Variants in FREM1 observed in about 807,000 individuals in gnomAD.
FREM1 encodes FRAS1-related extracellular matrix protein 1.
Under a neutral mutation model 210.1 loss-of-function variants are expected in FREM1, and 220 were observed. The observed-to-expected ratio is 1.05, with a 90% CI of 0.94 to 1.17. The LOEUF is 1.17. FREM1 is among the 50% of genes most tolerant of loss of function. FREM1 has a pLI of 0.00. For synonymous variants in FREM1, 1,189 were observed against 980.2 expected, an observed-to-expected ratio of 1.21 and a Z score of -3.98; for missense variants, 3,454 against 2,675.5, an observed-to-expected ratio of 1.29 and a Z score of -6.42.
At chr9:14,859,920 T>A (rs76774734) in intron 3 of FREM1, among the ~76,000 whole-genome samples, 2,547 of 152,250 alleles carry the variant, frequency 0.017, 63 homozygotes, top group African/African-American at 0.056. Flanking sequence ...AGGTGGTCAT[T>A]TGCAGCCTAG....
At position 14,807,998 on chromosome 9, in the gene FREM1, C is replaced by A; in HGVS notation, c.3030G>T (p.Val1010=). Residue 1010 remains valine, a synonymous_variant, in exon 17 of 37, where the codon GTG becomes GTT. Coordinates refer to ENST00000380880, the MANE Select transcript of FREM1 (RefSeq NM_001379081.2). ...GGTATACCGTGATGTTGAGATCATA[C>A]ACTGGAAAGGACGCATGAAGTGGAA... is the stretch of plus-strand genomic sequence containing the variant. The part of the protein sequence containing the change: ...PSVPLHASFP[V]YDLNITVYPV... The A allele has an allele frequency of 6.2e-7, 1 of 1,613,850 alleles. No individual in the cohort carries two copies. Among genetic ancestry groups the A allele is most frequent in the Middle Eastern group, 1.7e-4 (1 of 6,058 alleles).
intron 3 of FREM1, among the ~76,000 whole-genome samples, chr9:14,861,323 A>G (rs1588445919): frequency 9.9e-6 from 1 of 101,340 alleles, no homozygotes; most frequent in Non-Finnish European, 1.6e-5. Context: ...ATATATACAC[A>G]TATATACATA....
chr9:14,887,569 T>C (rs1480653862), intron 1 of FREM1, among the ~76,000 whole-genome samples: 1 of 152,222 alleles, frequency 6.6e-6, no homozygotes, highest in Non-Finnish European at 1.5e-5. Context: ...ACACAAGATT[T>C]TCAGAGTGAA....
chr9:14,789,717 GT>G (rs1202591099), intron 22 of FREM1, among the ~76,000 whole-genome samples: 2 of 152,076 alleles, frequency 1.3e-5, no homozygotes, highest in African/African-American at 4.8e-5. Context: ...ATCGTATATT[GT>G]TTTTATCAGA....
Position 14,808,129 on chromosome 9 carries a change from C to T in FREM1, c.2899G>A (p.Glu967Lys), listed in dbSNP as rs764638294. The T allele has an allele frequency of 1.9e-5, 30 of 1,588,220 alleles. No homozygotes were observed. Among genetic ancestry groups the T allele is most frequent in the Middle Eastern group, 1.7e-4 (1 of 5,990 alleles). Residue 967 changes from glutamate to lysine, a missense_variant, in exon 17 of 37, where the codon GAG (glutamate) becomes AAG (lysine). By Grantham distance (56) the Glu-to-Lys change is moderately conservative. Transcript: ENST00000380880. ...TCAAAACAAGGCATCAGGCCAATCT[C>T]GCCACCTGGAAGACACAACTATAGC... is the stretch of plus-strand genomic sequence containing the variant. ...EAVTYKHTGG[E>K]IGLMPCFDTI...
rs774361498 is a variant in FREM1, at chr9:14,806,724, C to T, written c.3211G>A (p.Gly1071Ser). The change falls in exon 18 of 37, where the codon GGC becomes AGC. Residue 1071 changes from glycine (G) to serine (S), a missense_variant. By Grantham distance (56) the Gly-to-Ser change is moderately conservative. Coordinates refer to ENST00000380880, the MANE Select transcript of FREM1 (RefSeq NM_001379081.2). Reference sequence around the variant, plus strand: ...GAAGGGAGTATATTTTCGAGGTAGCCAAACTGAGGAGGAGAAACCAAAACA... The same window carrying T: ...GAAGGGAGTATATTTTCGAGGTAGCTAAACTGAGGAGGAGAAACCAAAACA... ...EFVLVSPPQF[G>S]YLENILPSVG... The T allele has an allele frequency of 1.2e-6, 2 of 1,604,376 alleles. No individual in the cohort carries two copies. Among genetic ancestry groups the T allele is most frequent in the South Asian group, 2.3e-5 (2 of 88,608 alleles).
intron 27 of FREM1, among the ~76,000 whole-genome samples, chr9:14,763,275 G>C (rs2382499): frequency 0.26 from 39,118 of 152,026 alleles, 5,225 homozygotes; most frequent in Admixed American, 0.3. Context: ...TTAGATGTAG[G>C]AGCACCACTT....
chr9:14,863,274 G>A (rs552203977), intron 3 of FREM1, among the ~76,000 whole-genome samples: 1 of 149,920 alleles, frequency 6.7e-6, no homozygotes, highest in South Asian at 2.1e-4. Context: ...CTGGGAGACA[G>A]AGGTTGCAGT....
At chr9:14,741,027 G>A (rs921535540) in intron 35 of FREM1, among the ~76,000 whole-genome samples, 5 of 151,758 alleles carry the variant, frequency 3.3e-5, no homozygotes, top group African/African-American at 1.2e-4. Flanking sequence ...AATATATCAT[G>A]TATACATGTA....
intron 16 of FREM1, among the ~76,000 whole-genome samples, chr9:14,810,378 G>A (rs1387686479): frequency 6.6e-6 from 1 of 152,176 alleles, no homozygotes; most frequent in Non-Finnish European, 1.5e-5. Context: ...CATAGGTAGT[G>A]AAATTCTTTA....
rs377011197 is a variant in FREM1, at chr9:14,792,769, G to A, written c.3955C>T (p.Pro1319Ser). 314 of 1,599,822 alleles carry A rather than the reference G, an allele frequency of 2.0e-4. 1 individual carries two copies. Among genetic ancestry groups the A allele is most frequent in the Non-Finnish European group, 2.5e-4 (289 of 1,175,158 alleles). The change falls in exon 22 of 37, where the codon CCC becomes TCC. Residue 1319 changes from proline to serine, a missense_variant. Coordinates refer to ENST00000380880, the MANE Select transcript of FREM1 (RefSeq NM_001379081.2). ...EKIYYVFERL[P>S]QNGQLQLKIG... is the part of the protein sequence containing the mutation. Reference sequence around the variant, plus strand: ...TTAAGCTGAAGTTGCCCATTTTGGGGAAGCCTTTCAAATACATAGTAAATC... The same window carrying A: ...TTAAGCTGAAGTTGCCCATTTTGGGAAAGCCTTTCAAATACATAGTAAATC...
Position 14,863,910 on chromosome 9 carries a change from C to T in FREM1, c.235-7G>A, listed in dbSNP as rs1442422772. ...GGAAATGGCAGTCAAAGACCTAGTT[C>T]ACATGAAGAATTGGATAAATATCTA... On this transcript the variant is annotated splice_region_variant and splice_polypyrimidine_tract_variant and intron_variant, in intron 2 of 36. Transcript: ENST00000380880. 1.9e-6 allele frequency: 3 copies of T among 1,557,188 alleles called. No homozygotes were observed. The South Asian group carries it at 3.3e-5, about 17-fold the overall frequency.
At chr9:14,807,872 A>AT in intron 17 of FREM1, 68 bp downstream of exon 17, 1 of 1,042,034 alleles carries the variant, frequency 9.6e-7, no homozygotes, top group Non-Finnish European at 1.4e-6. Context: ...GAAATGTATT[A>AT]TTTCACTGAA....
Position 14,816,818 on chromosome 9 carries a change from G to A in FREM1, c.2600C>T (p.Thr867Ile), listed in dbSNP as rs1265814496. Residue 867 changes from threonine (T) to isoleucine (I), a missense_variant, in exon 15 of 37, where the codon ACC becomes ATC. Physicochemically the swap from Thr to Ile is moderately conservative, Grantham distance 89 (BLOSUM62 -1). Transcript: ENST00000380880. ...VLQDDLLLEV[T>I]DGTNSAEFVL... Reference sequence around the variant, plus strand: ...AAATTCTGCTGAATTTGTGCCATCGGTGACCTCCAAGAGTAGGTCATCCTG... The same window carrying A: ...AAATTCTGCTGAATTTGTGCCATCGATGACCTCCAAGAGTAGGTCATCCTG... 2 of 1,442,216 alleles carry A rather than the reference G, an allele frequency of 1.4e-6. No individual in the cohort carries two copies. Among genetic ancestry groups the A allele is most frequent in the East Asian group, 2.4e-5 (1 of 41,632 alleles). 89.3% of individuals were successfully genotyped at this position (1,442,216 alleles called of 1,614,324 possible). A position where few individuals can be genotyped will look rare whatever the true frequency, so the allele number is the denominator to read the frequency against.
intron 29 of FREM1, among the ~76,000 whole-genome samples, chr9:14,754,292 G>A (rs563524859): frequency 6.6e-6 from 1 of 152,320 alleles, no homozygotes; most frequent in Admixed American, 6.5e-5. Context: ...GGCCGCAAGA[G>A]CCTGTACCAG....
intron 2 of FREM1, among the ~76,000 whole-genome samples, chr9:14,866,120 G>A (rs1209633401): frequency 6.6e-6 from 1 of 152,172 alleles, no homozygotes; most frequent in African/African-American, 2.4e-5. Flanking sequence ...AGCAATAGCA[G>A]GCTAGGGAAT....
At position 14,823,113 on chromosome 9, in the gene FREM1, C is replaced by T. The variant is rs369236577; in HGVS notation, c.2337+47G>A. ...ATTTCTAGTAGGTCTTCAAGTCTCT[C>T]CTTTCTTTTCCTCCTTTTCATCCTC... On this transcript the variant is annotated intron_variant, in intron 13 of 36. Transcript: ENST00000380880. 39 of 1,455,124 alleles carry T rather than the reference C, an allele frequency of 2.7e-5. No homozygotes were observed. The East Asian group carries it at 5.9e-4, about 22-fold the overall frequency. 90.1% of individuals were successfully genotyped at this position (1,455,124 alleles called of 1,614,324 possible).
chr9:14,844,807 G>A (rs995943769), intron 8 of FREM1, among the ~76,000 whole-genome samples: 3 of 152,200 alleles, frequency 2.0e-5, no homozygotes, highest in African/African-American at 7.2e-5. Flanking sequence ...AGGAAAACTT[G>A]TTAGATACAG....
chr9:14,820,245 A>T (rs1019053038), intron 13 of FREM1, among the ~76,000 whole-genome samples: 1 of 152,218 alleles, frequency 6.6e-6, no homozygotes, highest in Non-Finnish European at 1.5e-5. Context: ...GAGATCCTGC[A>T]GGAGGAAAAC....
Sources: gnomAD v4.1 joint callset for allele counts (sites outside exome capture counted in the v4.1 genomes callset) on GRCh38, gnomAD v4.1.1 for gene constraint, MANE v1.5 for transcripts, NCBI Gene and HGNC (gene_info 2026-07-23, HGNC 2026-07-21) for gene names.